NOL4: variants seen among roughly 807,000 people sequenced by gnomAD.
NOL4 encodes cancer/testis antigen 125.
Under a neutral mutation model 75.9 loss-of-function variants are expected in NOL4, and 17 were observed. The ratio of observed to expected loss-of-function variants is 0.22; its 90% CI spans 0.15 to 0.34. NOL4 has a LOEUF of 0.34. NOL4 is among the 10% of genes least tolerant of loss of function. NOL4 has a pLI of 1.00. For missense variants in NOL4, 614 were observed against 793.5 expected, an observed-to-expected ratio of 0.77 and a Z score of 2.72; for synonymous variants, 292 against 289.9, an observed-to-expected ratio of 1.01 and a Z score of -0.07.
At chr18:34,106,344 T>C (rs2079277991) in intron 2 of NOL4, among the ~76,000 whole-genome samples, 1 of 152,168 alleles carries the variant, frequency 6.6e-6, no homozygotes, top group Non-Finnish European at 1.5e-5. Flanking sequence ...CATTTTTCTC[T>C]TAATTTAATA....
At chr18:34,052,251 G>C (rs1289664958) in intron 5 of NOL4, among the ~76,000 whole-genome samples, 1 of 150,340 alleles carries the variant, frequency 6.7e-6, no homozygotes, top group East Asian at 2.0e-4. Flanking sequence ...TAGTTAAAAA[G>C]CATGTTATTC....
intron 1 of NOL4, among the ~76,000 whole-genome samples, chr18:34,141,988 AAAAC>A: frequency 6.6e-6 from 1 of 152,352 alleles, no homozygotes; most frequent in East Asian, 1.9e-4. Context: ...ATTTACAAAA[AAAAC>A]AAACAACCCC....
chr18:33,865,034 C>A (rs1432844118), intron 10 of NOL4, among the ~76,000 whole-genome samples: 1 of 152,126 alleles, frequency 6.6e-6, no homozygotes, highest in Non-Finnish European at 1.5e-5. Context: ...ATGGGGATTA[C>A]AATTTGAAAT....
At chr18:34,104,831 A>C (rs1245204334) in intron 3 of NOL4, among the ~76,000 whole-genome samples, 2 of 152,002 alleles carry the variant, frequency 1.3e-5, no homozygotes, top group Non-Finnish European at 2.9e-5. Flanking sequence ...ACAGGGAAAA[A>C]TGTTATTTGC....
intron 9 of NOL4, among the ~76,000 whole-genome samples, chr18:33,889,310 A>G (rs112787752): frequency 0.03 from 4,589 of 152,204 alleles, 217 homozygotes; most frequent in African/African-American, 0.1. Context: ...GCCTCCCAAG[A>G]CTAAACCAGG....
intron 9 of NOL4, among the ~76,000 whole-genome samples, chr18:33,888,756 C>G (rs569209204): frequency 6.6e-6 from 1 of 152,070 alleles, no homozygotes; most frequent in Non-Finnish European, 1.5e-5. Context: ...TCTGAGGCCT[C>G]TGCTCTGTTT....
chr18:34,145,700 C>G (rs1259329348), intron 1 of NOL4, among the ~76,000 whole-genome samples: 2 of 151,674 alleles, frequency 1.3e-5, no homozygotes, highest in African/African-American at 4.8e-5. Flanking sequence ...AAAGAAACAA[C>G]AGTACTAAGT....
intron 5 of NOL4, among the ~76,000 whole-genome samples, chr18:34,056,124 C>T (rs1232577591): frequency 2.6e-5 from 4 of 152,064 alleles, no homozygotes; most frequent in African/African-American, 7.2e-5. Flanking sequence ...CAGTGATTTG[C>T]CTTTCTTTAG....
chr18:34,077,284 G>A (rs1462704625), intron 5 of NOL4, among the ~76,000 whole-genome samples: 2 of 151,854 alleles, frequency 1.3e-5, no homozygotes, highest in Non-Finnish European at 1.5e-5. Flanking sequence ...CTCCAGCCTG[G>A]GTGACAGAGT....
chr18:33,869,818 T>G (rs2063605486), intron 10 of NOL4, among the ~76,000 whole-genome samples: 1 of 152,092 alleles, frequency 6.6e-6, no homozygotes, highest in Admixed American at 6.6e-5. Context: ...CACATGTGTC[T>G]GACTTCTCTT....
At chr18:34,195,742 T>G (rs1193813464) in intron 1 of NOL4, among the ~76,000 whole-genome samples, 4 of 152,196 alleles carry the variant, frequency 2.6e-5, no homozygotes, top group Non-Finnish European at 5.9e-5. Flanking sequence ...ACTAGTTGTA[T>G]GCATTTTATT....
chr18:34,171,942 C>A (rs916096110), intron 1 of NOL4, among the ~76,000 whole-genome samples: 4 of 152,020 alleles, frequency 2.6e-5, no homozygotes, highest in Non-Finnish European at 1.5e-5. Context: ...ACTGGTGAAC[C>A]ATTTGGTGCA....
chr18:34,122,251 A>G (rs1328736991), intron 2 of NOL4, among the ~76,000 whole-genome samples: 3 of 152,164 alleles, frequency 2.0e-5, no homozygotes, highest in Non-Finnish European at 4.4e-5. Flanking sequence ...ATGGATAAAA[A>G]TAGGTAAAAG....
intron 6 of NOL4, among the ~76,000 whole-genome samples, chr18:33,990,173 G>A (rs2072810145): frequency 6.6e-6 from 1 of 152,084 alleles, no homozygotes; most frequent in African/African-American, 2.4e-5. Flanking sequence ...GAAGTTGTCA[G>A]TTTTAGTGAC....
chr18:34,022,984 A>G (rs1194542785), intron 5 of NOL4, among the ~76,000 whole-genome samples: 1 of 152,122 alleles, frequency 6.6e-6, no homozygotes, highest in African/African-American at 2.4e-5. Context: ...AATAAGGTAG[A>G]AAATATTTTT....
intron 5 of NOL4, among the ~76,000 whole-genome samples, chr18:34,092,570 GC>G (rs570521657): frequency 8.3e-4 from 126 of 152,208 alleles, no homozygotes; most frequent in African/African-American, 2.3e-3. Context: ...GTTTGTAATA[GC>G]AACTGTCAGA....
intron 9 of NOL4, among the ~76,000 whole-genome samples, chr18:33,885,515 G>C (rs2064585544): frequency 6.6e-6 from 1 of 152,062 alleles, no homozygotes; most frequent in Admixed American, 6.6e-5. Context: ...CAAAAGAGTT[G>C]AATAGACATT....
intron 10 of NOL4, among the ~76,000 whole-genome samples, chr18:33,866,578 T>C (rs545622195): frequency 3.2e-4 from 48 of 152,298 alleles, no homozygotes; most frequent in Middle Eastern, 6.8e-3. Flanking sequence ...GTTTATTCAG[T>C]AAATGACCTT....
intron 5 of NOL4, among the ~76,000 whole-genome samples, chr18:34,050,023 G>A (rs1447924237): frequency 6.6e-6 from 1 of 152,074 alleles, no homozygotes; most frequent in Non-Finnish European, 1.5e-5. Flanking sequence ...AAAAGAGACA[G>A]CATATTTTAA....
Sources: gnomAD v4.1 joint callset for allele counts (sites outside exome capture counted in the v4.1 genomes callset) on GRCh38, gnomAD v4.1.1 for gene constraint, MANE v1.5 for transcripts, NCBI Gene and HGNC (gene_info 2026-07-23, HGNC 2026-07-21) for gene names.